Variants in USP32 observed in about 807,000 individuals in gnomAD.
The protein encoded by USP32 is ubiquitin carboxyl-terminal hydrolase 32.
Under a neutral mutation model 204.8 loss-of-function variants are expected in USP32, and 59 were observed. The ratio of observed to expected loss-of-function variants is 0.29; its 90% CI spans 0.23 to 0.36. The LOEUF is 0.36. USP32 is among the 10% of genes least tolerant of loss of function. The pLI is 1.00. For synonymous variants in USP32, 517 were observed against 678.4 expected, an observed-to-expected ratio of 0.76 and a Z score of 3.70; for missense variants, 1,160 against 1,946.4, an observed-to-expected ratio of 0.60 and a Z score of 7.60.
At chr17:60,199,088 C>G (rs1598050441) in intron 26 of USP32, among the ~76,000 whole-genome samples, 2 of 151,058 alleles carry the variant, frequency 1.3e-5, no homozygotes, top group East Asian at 3.9e-4. Context: ...TGCACTCCAG[C>G]CTGGAAGGTA....
chr17:60,332,202 G>A (rs1365262548), intron 2 of USP32, among the ~76,000 whole-genome samples: 1 of 152,282 alleles, frequency 6.6e-6, no homozygotes, highest in Non-Finnish European at 1.5e-5. Flanking sequence ...AGGTTGAGGT[G>A]AGCAGAGATC....
At chr17:60,279,745 G>A (rs902687699) in intron 5 of USP32, among the ~76,000 whole-genome samples, 1 of 151,370 alleles carries the variant, frequency 6.6e-6, no homozygotes, top group African/African-American at 2.4e-5. Flanking sequence ...GCTGAGGTGG[G>A]GGGATCACTT....
chr17:60,253,414 TA>T (rs1260571704), intron 10 of USP32, among the ~76,000 whole-genome samples: 10,953 of 141,858 alleles, frequency 0.077, 1,275 homozygotes, highest in African/African-American at 0.25. Flanking sequence ...ATAGTTTAAT[TA>T]AAAAAAAAAA....
At chr17:60,303,812 A>T (rs2087649977) in intron 2 of USP32, among the ~76,000 whole-genome samples, 2 of 152,212 alleles carry the variant, frequency 1.3e-5, no homozygotes, top group African/African-American at 4.8e-5. Context: ...GAATGGCTCA[A>T]GAATAAACTC....
intron 1 of USP32, among the ~76,000 whole-genome samples, chr17:60,363,013 A>T (rs2089240134): frequency 6.6e-6 from 1 of 152,108 alleles, no homozygotes; most frequent in Non-Finnish European, 1.5e-5. Flanking sequence ...ATTTTTGGCC[A>T]GGCACAGTGG....
chr17:60,356,409 C>T (rs2089078688), intron 1 of USP32, among the ~76,000 whole-genome samples: 1 of 151,916 alleles, frequency 6.6e-6, no homozygotes, highest in African/African-American at 2.4e-5. Context: ...CTTTGGCTGA[C>T]CTTAAACCTC....
chr17:60,242,482 C>T (rs1167506922), intron 11 of USP32, among the ~76,000 whole-genome samples: 1 of 152,156 alleles, frequency 6.6e-6, no homozygotes, highest in Non-Finnish European at 1.5e-5. Flanking sequence ...ATGGTCTCAG[C>T]TCACTGCAAC....
intron 5 of USP32, among the ~76,000 whole-genome samples, chr17:60,282,377 C>A (rs1349067822): frequency 6.6e-6 from 1 of 151,830 alleles, no homozygotes; most frequent in African/African-American, 2.4e-5. Flanking sequence ...TTTATTGAGA[C>A]GGGGTCTCGC....
intron 27 of USP32, among the ~76,000 whole-genome samples, chr17:60,193,767 G>A (rs1035075377): frequency 6.6e-6 from 1 of 152,194 alleles, no homozygotes; most frequent in African/African-American, 2.4e-5. Context: ...AAGAGTCACT[G>A]TAAGGGCAAA....
chr17:60,231,566 G>C (rs781306666), intron 12 of USP32: 1 of 518,202 alleles, frequency 1.9e-6, no homozygotes, highest in South Asian at 1.4e-5. Context: ...CAGTCCTGAC[G>C]ACGATCCTCG....
chr17:60,231,113 T>C (rs949145067), intron 12 of USP32, among the ~76,000 whole-genome samples: 5 of 152,210 alleles, frequency 3.3e-5, no homozygotes, highest in Non-Finnish European at 1.5e-5. Flanking sequence ...TATTTTAATA[T>C]AAGAGAATTT....
chr17:60,415,666 G>T (rs2090054686), intron 1 of USP32, among the ~76,000 whole-genome samples: 1 of 152,148 alleles, frequency 6.6e-6, no homozygotes, highest in Admixed American at 6.6e-5. Flanking sequence ...GGACAACTTG[G>T]CTTAGCTGGG....
Position 60,178,871 on chromosome 17 carries a change from T to C in USP32, c.*384A>G, listed in dbSNP as rs1366798035. ...CCCTAGACAACATTATAATTGTTTG[T>C]TTTTTACTCTGACTCCAAGGAAATC... On this transcript the variant is annotated 3_prime_UTR_variant, in exon 34 of 34. Transcript: ENST00000300896. Among the ~76,000 whole-genome samples the C allele has an allele frequency of 6.6e-6, 1 of 152,248 alleles. No individual in the cohort carries two copies. Among genetic ancestry groups the C allele is most frequent in the African/African-American group, 2.4e-5 (1 of 41,468 alleles).
intron 26 of USP32, among the ~76,000 whole-genome samples, 167 bp from the exon 27 acceptor site, chr17:60,198,611 C>T (rs1404794193): frequency 3.9e-5 from 6 of 152,176 alleles, no homozygotes; most frequent in Non-Finnish European, 4.4e-5. Context: ...ACAAAGAGAA[C>T]GGTTACAGTG....
intron 26 of USP32, among the ~76,000 whole-genome samples, chr17:60,199,178 T>A (rs2084609052): frequency 6.6e-6 from 1 of 151,776 alleles, no homozygotes; most frequent in Admixed American, 6.6e-5. Context: ...TCAACTATAG[T>A]TTTCTAGGGA....
At chr17:60,367,569 G>C (rs1290846554) in intron 1 of USP32, among the ~76,000 whole-genome samples, 1 of 152,066 alleles carries the variant, frequency 6.6e-6, no homozygotes, top group Non-Finnish European at 1.5e-5. Flanking sequence ...CCAGCACTTT[G>C]GCAGGCTGAG....
intron 29 of USP32, among the ~76,000 whole-genome samples, chr17:60,187,975 TTTTC>T (rs2084291402): frequency 6.6e-6 from 1 of 152,154 alleles, no homozygotes. Context: ...AATTTTCTTT[TTTTC>T]TTTCTTTTTT....
In USP32 at chr17:60,323,857, A is replaced by G. The variant is rs1347506922; in HGVS notation, c.186+21624T>C. 3.9e-5 allele frequency among the ~76,000 whole-genome samples: 6 copies of G among 152,364 alleles called. No homozygotes were observed. In the East Asian group the frequency reaches 5.8e-4, roughly 15 times the overall value. ...TTACTGTTTTCTAAAAAGCGTCAAA[A>G]CATCTCTACAGCTTCTGCCATTTGG... On this transcript the variant is annotated intron_variant, in intron 2 of 33. Coordinates refer to ENST00000300896, the MANE Select transcript of USP32 (RefSeq NM_032582.4).
chr17:60,390,304 G>T (rs777960783), intron 1 of USP32, among the ~76,000 whole-genome samples: 3 of 152,166 alleles, frequency 2.0e-5, no homozygotes, highest in Non-Finnish European at 4.4e-5. Flanking sequence ...TCAAACTTAA[G>T]AAACACTTCT....
Sources: gnomAD v4.1 joint callset for allele counts (sites outside exome capture counted in the v4.1 genomes callset) on GRCh38, gnomAD v4.1.1 for gene constraint, MANE v1.5 for transcripts, NCBI Gene and HGNC (gene_info 2026-07-23, HGNC 2026-07-21) for gene names.